The following RAD54B variants were observed in gnomAD, a reference collection of about 807,000 sequenced individuals.
The protein encoded by RAD54B is DNA repair and recombination protein RAD54B.
In RAD54B, 78 loss-of-function variants were observed where a neutral mutation model predicts 95.8. The ratio of observed to expected loss-of-function variants is 0.81; its 90% confidence interval spans 0.68 to 0.98. RAD54B has a LOEUF of 0.98. Among genes scored for constraint, RAD54B ranks in the 50% least tolerant of loss-of-function variants. The pLI, the probability that RAD54B is intolerant of heterozygous loss-of-function variation, is 0.00. For synonymous variants in RAD54B, 328 were observed against 354.9 expected, an observed-to-expected ratio of 0.92 and a Z score of 0.85; for missense variants, 957 against 1,056.6, an observed-to-expected ratio of 0.91 and a Z score of 1.31.
intron 14 of RAD54B, 149 bp downstream of exon 14, chr8:94,378,031 A>G (rs1377600946): frequency 4.2e-6 from 2 of 471,712 alleles, no homozygotes; most frequent in Admixed American, 4.0e-5. Flanking sequence ...AAATATCTCT[A>G]TCTGGCAGCT....
chr8:94,428,325 A>G (rs2930958), intron 3 of RAD54B: 357,631 of 979,762 alleles, frequency 0.37, 65,922 homozygotes, highest in Admixed American at 0.5. Flanking sequence ...ATTGTCTATG[A>G]TATGCAAGAT....
rs367836964 is a variant in RAD54B at position 94,400,395 on chromosome 8, G to A, written c.1013C>T (p.Ser338Leu). Residue 338 changes from serine to leucine, a missense_variant, in exon 7 of 15, where the codon TCG becomes TTG. Coordinates refer to ENST00000336148, the MANE Select transcript of RAD54B (RefSeq NM_012415.3). ...CTGACACTGCAGGGTCCAGATGAGC[G>A]AAATACATTGCAATGTCTTCCCTAA... ...MGLGKTLQCI[S>L]LIWTLQCQGP... is the part of the protein sequence containing the mutation. 3.0e-5 allele frequency: 48 copies of A among 1,613,700 alleles called. No individual in the cohort carries two copies. In the East Asian group the frequency reaches 3.3e-4, roughly 11 times the overall value.
intron 5 of RAD54B, among the ~76,000 whole-genome samples, chr8:94,406,867 C>G (rs1811400304): frequency 6.6e-6 from 1 of 152,076 alleles, no homozygotes; most frequent in Admixed American, 6.6e-5. Flanking sequence ...TCAAGAAATA[C>G]CTGCTGAGTG....
At position 94,458,282 on chromosome 8, in the gene RAD54B, T is replaced by C; in HGVS notation, c.290A>G (p.Asp97Gly). Residue 97 changes from aspartate (D) to glycine (G), a missense_variant, in exon 3 of 15, where the codon GAT becomes GGT. Physicochemically the swap from Asp to Gly is moderately conservative, Grantham distance 94 (BLOSUM62 -1). Transcript: ENST00000336148. ...AGCAGTCTTACCTGTATGAGGTGGATCTAATGTTGCCAGTGTAGGTGCTTC... is the reference window on the plus strand; with the variant it reads ...AGCAGTCTTACCTGTATGAGGTGGACCTAATGTTGCCAGTGTAGGTGCTTC... ...CFEAPTLATL[D>G]PPHTVHSAPK... 6.2e-7 allele frequency: 1 copy of C among 1,605,754 alleles called. No individual in the cohort carries two copies. Among genetic ancestry groups the C allele is most frequent in the Non-Finnish European group, 8.5e-7 (1 of 1,177,336 alleles).
intron 4 of RAD54B, among the ~76,000 whole-genome samples, chr8:94,408,924 A>G (rs1276472674): frequency 6.6e-6 from 1 of 151,998 alleles, no homozygotes; most frequent in Non-Finnish European, 1.5e-5. Context: ...GATGATCTTG[A>G]TCCAAAGGTG....
intron 3 of RAD54B, among the ~76,000 whole-genome samples, chr8:94,424,197 G>T (rs1193525410): frequency 6.6e-6 from 1 of 152,178 alleles, no homozygotes; most frequent in African/African-American, 2.4e-5. Flanking sequence ...CAGCAGAAGG[G>T]CATGAACTAT....
chr8:94,451,392 T>TG (rs1812654090), intron 3 of RAD54B, among the ~76,000 whole-genome samples: 2 of 152,062 alleles, frequency 1.3e-5, no homozygotes, highest in African/African-American at 2.4e-5. Context: ...AACAAATAAA[T>TG]GGGGGAGAAG....
intron 3 of RAD54B, among the ~76,000 whole-genome samples, chr8:94,443,288 T>C (rs968472236): frequency 3.9e-5 from 6 of 152,048 alleles, no homozygotes; most frequent in East Asian, 1.9e-4. Flanking sequence ...CATGGACACA[T>C]TGTGGGGAAC....
intron 3 of RAD54B, among the ~76,000 whole-genome samples, chr8:94,446,280 AG>A (rs1483593796): frequency 1.3e-5 from 2 of 152,144 alleles, no homozygotes; most frequent in African/African-American, 2.4e-5. Flanking sequence ...GTATTTTAGG[AG>A]GTAGTCCAAA....
intron 8 of RAD54B, among the ~76,000 whole-genome samples, chr8:94,398,688 G>A (rs1179720190): frequency 6.6e-6 from 1 of 151,978 alleles, no homozygotes; most frequent in Non-Finnish European, 1.5e-5. Context: ...TCTTTATTCT[G>A]CTGACACAAC....
rs1393038771 is a variant in RAD54B, at chr8:94,399,462, T to C, written c.1330A>G (p.Thr444Ala). The change falls in exon 8 of 15, where the codon ACT becomes GCT. Residue 444 changes from threonine (T) to alanine (A), a missense_variant. Thr to Ala is a moderately conservative substitution (Grantham distance 58, BLOSUM62 0). Coordinates refer to ENST00000336148, the MANE Select transcript of RAD54B (RefSeq NM_012415.3). Reference sequence around the variant, plus strand: ...CAAGAAAGGCTAATGAGGGCTGTAGTTGTCTTAATGGCACTGTTCTTCAAA... The same window carrying C: ...CAAGAAAGGCTAATGAGGGCTGTAGCTGTCTTAATGGCACTGTTCTTCAAA... ...HRLKNSAIKTTTALISLSCEK... is the reference protein window; with the variant it reads ...HRLKNSAIKTATALISLSCEK... The C allele has an allele frequency of 8.1e-6, 13 of 1,613,694 alleles. No individual in the cohort carries two copies. Among genetic ancestry groups the C allele is most frequent in the Non-Finnish European group, 1.1e-5 (13 of 1,179,704 alleles).
chr8:94,380,065 C>T, intron 12 of RAD54B, 80 bp downstream of exon 12: 1 of 1,425,616 alleles, frequency 7.0e-7, no homozygotes, highest in Middle Eastern at 2.4e-4. Flanking sequence ...TATTATATAT[C>T]ATCATTATCT....
intron 12 of RAD54B, among the ~76,000 whole-genome samples, chr8:94,378,965 C>G (rs528565362): frequency 6.6e-6 from 1 of 152,286 alleles, no homozygotes; most frequent in South Asian, 2.1e-4. Flanking sequence ...GGTTCATTCT[C>G]AGTCCAAATA....
chr8:94,450,688 T>C (rs943513823), intron 3 of RAD54B, among the ~76,000 whole-genome samples: 6 of 152,192 alleles, frequency 3.9e-5, no homozygotes, highest in Non-Finnish European at 7.3e-5. Flanking sequence ...GAGACGAACC[T>C]GGCCAACATG....
intron 3 of RAD54B, chr8:94,430,830 A>G: frequency 1.0e-6 from 1 of 985,432 alleles, no homozygotes; most frequent in Non-Finnish European, 1.2e-6. Flanking sequence ...CAGCTACCCT[A>G]CCTAGTCCAG....
chr8:94,373,649 T>C (rs1380318821), intron 14 of RAD54B, among the ~76,000 whole-genome samples: 2 of 152,172 alleles, frequency 1.3e-5, no homozygotes, highest in Non-Finnish European at 2.9e-5. Context: ...ATGAGAAACA[T>C]ATTTCTATTG....
At chr8:94,417,869 A>G (rs1811714370) in intron 3 of RAD54B, among the ~76,000 whole-genome samples, 1 of 152,174 alleles carries the variant, frequency 6.6e-6, no homozygotes, top group Admixed American at 6.5e-5. Flanking sequence ...TATACTCAGA[A>G]CCACCAAAGT....
chr8:94,414,054 T>A, intron 3 of RAD54B, among the ~76,000 whole-genome samples: 1 of 152,084 alleles, frequency 6.6e-6, no homozygotes, highest in South Asian at 2.1e-4. Flanking sequence ...CAGGCTGGTC[T>A]TGAATTTGTG....
chr8:94,391,486 GC>G, intron 10 of RAD54B, 122 bp downstream of exon 10: 1 of 963,880 alleles, frequency 1.0e-6, no homozygotes, highest in Non-Finnish European at 1.5e-6. Flanking sequence ...ATACTAGATA[GC>G]CAGCAGAGCT....
Sources: gnomAD v4.1 joint callset for allele counts (sites outside exome capture counted in the v4.1 genomes callset) on GRCh38, gnomAD v4.1.1 for gene constraint, MANE v1.5 for transcripts, NCBI Gene and HGNC (gene_info 2026-07-23, HGNC 2026-07-21) for gene names.